DLG2: variants seen among roughly 807,000 people sequenced by gnomAD.
The protein encoded by DLG2 is discs large MAGUK scaffold protein 2, also known as disks large homolog 2.
A neutral mutation model predicts 132.5 loss-of-function variants in DLG2; 45 were observed. The ratio of observed to expected loss-of-function variants is 0.34; its 90% CI spans 0.27 to 0.44. The LOEUF (loss-of-function observed/expected upper bound fraction) is 0.44, where lower values mean the gene tolerates loss of function less well. DLG2 is among the 20% of genes least tolerant of loss of function. The pLI is 1.00. For missense variants in DLG2, 1,045 were observed against 1,196.9 expected (o/e 0.87, Z 1.87); for synonymous variants, 424 against 419.6 (o/e 1.01, Z -0.13).
rs530130064 is a variant in DLG2, at chr11:84,786,009, G to T, written c.358-251278C>A. ...ACCTTTTATTAGGAAATGGTATTTG[G>T]AAACCACACTGGAAACACTACAGAT... is the stretch of plus-strand genomic sequence containing the variant. On this transcript the variant is annotated intron_variant, in intron 6 of 27. Transcript: ENST00000376104. Among the ~76,000 whole-genome samples, 3 of 152,032 alleles carry T rather than the reference G, an allele frequency of 2.0e-5. No individual in the cohort carries two copies. In the South Asian group the frequency reaches 6.2e-4, roughly 32 times the overall value.
chr11:84,670,641 A>G (rs530821541), intron 6 of DLG2, among the ~76,000 whole-genome samples: 7 of 152,304 alleles, frequency 4.6e-5, no homozygotes, highest in African/African-American at 1.4e-4. Context: ...GTTGTTTTAC[A>G]TAAATTGTCA....
intron 3 of DLG2, among the ~76,000 whole-genome samples, chr11:85,595,641 T>C (rs2079697223): frequency 6.6e-6 from 1 of 151,908 alleles, no homozygotes; most frequent in African/African-American, 2.4e-5. Flanking sequence ...AAATAAAAAA[T>C]CAAAATAAAT....
chr11:84,792,039 T>C (rs559864328), intron 6 of DLG2, among the ~76,000 whole-genome samples: 1 of 152,330 alleles, frequency 6.6e-6, no homozygotes, highest in South Asian at 2.1e-4. Flanking sequence ...TTTCAGTTTT[T>C]CCCCATTCAT....
intron 18 of DLG2, among the ~76,000 whole-genome samples, chr11:83,704,816 G>C (rs2083619409): frequency 6.6e-6 from 1 of 152,108 alleles, no homozygotes; most frequent in Non-Finnish European, 1.5e-5. Flanking sequence ...GACAGAGCGA[G>C]ACTCCATCTC....
At chr11:84,727,406 T>A (rs552833187) in intron 6 of DLG2, among the ~76,000 whole-genome samples, 2 of 152,056 alleles carry the variant, frequency 1.3e-5, no homozygotes, top group African/African-American at 4.8e-5. Context: ...GATGGTTTTA[T>A]ATGGTGGTGT....
At chr11:84,564,210 G>C (rs181939327) in intron 6 of DLG2, among the ~76,000 whole-genome samples, 100 of 152,234 alleles carry the variant, frequency 6.6e-4, no homozygotes, top group African/African-American at 2.3e-3. Flanking sequence ...TATTATTGGG[G>C]GTTTTTATAA....
chr11:85,181,863 T>C (rs2079726800), intron 4 of DLG2, among the ~76,000 whole-genome samples: 2 of 151,634 alleles, frequency 1.3e-5, no homozygotes, highest in East Asian at 1.9e-4. Flanking sequence ...CAGGAGATCA[T>C]CGTCCCTTAC....
chr11:84,502,304 T>G (rs1417302436), intron 7 of DLG2, among the ~76,000 whole-genome samples: 1 of 3,038 alleles, frequency 3.3e-4, no homozygotes, highest in Non-Finnish European at 5.8e-4. Context: ...CTTTCTTTCT[T>G]TCTTTCTTTC....
chr11:84,475,462 G>A (rs569976749), intron 7 of DLG2, among the ~76,000 whole-genome samples: 2 of 152,206 alleles, frequency 1.3e-5, no homozygotes, highest in African/African-American at 2.4e-5. Flanking sequence ...GGTGATTTGT[G>A]TCTCAGGGGA....
chr11:84,624,170 T>C (rs1299856671), intron 6 of DLG2, among the ~76,000 whole-genome samples: 4 of 152,102 alleles, frequency 2.6e-5, no homozygotes, highest in African/African-American at 7.2e-5. Context: ...AACTTTCCTG[T>C]TTTGTTTTGT....
At chr11:83,998,740 C>A (rs2094178927) in intron 11 of DLG2, among the ~76,000 whole-genome samples, 1 of 152,138 alleles carries the variant, frequency 6.6e-6, no homozygotes, top group South Asian at 2.1e-4. Context: ...CACTCTGTGA[C>A]ACCTAAGCAG....
intron 6 of DLG2, among the ~76,000 whole-genome samples, chr11:84,683,914 T>G (rs1255208371): frequency 6.6e-6 from 1 of 152,126 alleles, no homozygotes; most frequent in Non-Finnish European, 1.5e-5. Context: ...ATTTTTAGAG[T>G]CAGGTTTCAG....
At chr11:85,292,835 T>C (rs1459669005) in intron 3 of DLG2, among the ~76,000 whole-genome samples, 6 of 151,962 alleles carry the variant, frequency 3.9e-5, no homozygotes, top group Admixed American at 2.6e-4. Flanking sequence ...TATTTTCCTC[T>C]ATTAAAAAGA....
chr11:85,070,474 C>T (rs56680230), intron 6 of DLG2, among the ~76,000 whole-genome samples: 2,162 of 151,784 alleles, frequency 0.014, 46 homozygotes, highest in African/African-American at 0.046. Context: ...AAAACCTACT[C>T]GGTACATTCA....
chr11:85,525,722 C>A (rs1175996403), intron 3 of DLG2, among the ~76,000 whole-genome samples: 1 of 152,158 alleles, frequency 6.6e-6, no homozygotes, highest in East Asian at 1.9e-4. Context: ...GCCCTATTCT[C>A]ACAGATTACT....
chr11:84,262,541 T>G (rs1289212267), intron 7 of DLG2, among the ~76,000 whole-genome samples: 1 of 152,200 alleles, frequency 6.6e-6, no homozygotes, highest in African/African-American at 2.4e-5. Flanking sequence ...CATCTTTTTT[T>G]TCATAAGTTA....
intron 17 of DLG2, among the ~76,000 whole-genome samples, chr11:83,830,397 G>T (rs2054147023): frequency 6.6e-6 from 1 of 152,146 alleles, no homozygotes; most frequent in Admixed American, 6.5e-5. Flanking sequence ...TCACATGTAT[G>T]GAGGTTAAAA....
chr11:85,589,413 C>T (rs926674810), intron 3 of DLG2, among the ~76,000 whole-genome samples: 2 of 152,164 alleles, frequency 1.3e-5, no homozygotes, highest in South Asian at 2.1e-4. Context: ...AAGTAATGGG[C>T]GGGGTCATAA....
At chr11:84,060,185 T>C (rs2096568671) in intron 10 of DLG2, among the ~76,000 whole-genome samples, 1 of 151,996 alleles carries the variant, frequency 6.6e-6, no homozygotes, top group Non-Finnish European at 1.5e-5. Context: ...TGGTGGTGTG[T>C]GCCTGTAGTT....
Sources: allele counts gnomAD v4.1 joint callset (sites outside exome capture counted in the v4.1 genomes callset), GRCh38; gene constraint gnomAD v4.1.1; transcripts MANE v1.5; gene names NCBI Gene and HGNC (gene_info 2026-07-23, HGNC 2026-07-21).